The following PARD3 variants were observed in gnomAD, a reference collection of about 807,000 sequenced individuals.
PARD3 encodes par-3 family cell polarity regulator, also known as partitioning defective 3 homolog.
In PARD3, 75 loss-of-function variants were observed where a neutral mutation model predicts 155.4. The ratio of observed to expected loss-of-function variants is 0.48; its 90% CI spans 0.40 to 0.58. PARD3 has a LOEUF of 0.58. Among genes scored for constraint, PARD3 ranks in the 20% least tolerant of loss-of-function variants. The pLI is 0.00. For missense variants in PARD3, 1,642 were observed against 1,721.7 expected (o/e 0.95, Z 0.82); for synonymous variants, 576 against 610.5 (o/e 0.94, Z 0.83).
intron 2 of PARD3, among the ~76,000 whole-genome samples, chr10:34,652,692 C>T (rs1021665560): frequency 3.9e-5 from 6 of 152,166 alleles, no homozygotes; most frequent in South Asian, 2.1e-4. Flanking sequence ...ACTGCCCTCT[C>T]GCAGTGTGCT....
At chr10:34,665,505 AG>A (rs1474220461) in intron 2 of PARD3, among the ~76,000 whole-genome samples, 2 of 151,834 alleles carry the variant, frequency 1.3e-5, no homozygotes, top group African/African-American at 4.8e-5. Context: ...GGGCAACAAG[AG>A]CAAAACTACA....
chr10:34,247,673 CAAG>C lies in PARD3; in HGVS notation c.3419+21981_3419+21983del, dbSNP rs546539064. On this transcript the variant is annotated intron_variant, in intron 22 of 24. Transcript: ENST00000374788. ...AAAGATACAAATATTTTGATGGTAA[CAAG>C]GAGGCTTGGGATGGAATGAATACTT... 8.5e-3 allele frequency among the ~76,000 whole-genome samples: 1,292 copies of C among 152,140 alleles called. 20 individuals are homozygous for C. Among genetic ancestry groups the C allele is most frequent in the African/African-American group, 0.03 (1,231 of 41,510 alleles).
intron 22 of PARD3, among the ~76,000 whole-genome samples, chr10:34,199,628 C>A (rs932284323): frequency 1.3e-5 from 2 of 152,104 alleles, no homozygotes; most frequent in Non-Finnish European, 2.9e-5. Context: ...ATCTGAAAAA[C>A]CTGAATAAAA....
chr10:34,267,421 T>C (rs1027566716), intron 22 of PARD3, among the ~76,000 whole-genome samples: 2 of 152,224 alleles, frequency 1.3e-5, no homozygotes, highest in Non-Finnish European at 2.9e-5. Flanking sequence ...GCCTCCTATG[T>C]TAATTTACAT....
chr10:34,693,413 G>A (rs1157455193), intron 2 of PARD3, among the ~76,000 whole-genome samples: 1 of 152,158 alleles, frequency 6.6e-6, no homozygotes, highest in Non-Finnish European at 1.5e-5. Context: ...GGAACACTAG[G>A]CAGCCATAAA....
intron 14 of PARD3, among the ~76,000 whole-genome samples, chr10:34,358,656 G>A (rs933974741): frequency 2.0e-5 from 3 of 152,134 alleles, no homozygotes; most frequent in Non-Finnish European, 4.4e-5. Flanking sequence ...CCACAACACT[G>A]AACTCCAGCA....
At chr10:34,750,751 C>T (rs1216489047) in intron 1 of PARD3, among the ~76,000 whole-genome samples, 3 of 149,446 alleles carry the variant, frequency 2.0e-5, no homozygotes, top group East Asian at 4.0e-4. Flanking sequence ...TGCAGTGGCA[C>T]GATCTTGGCT....
At chr10:34,160,002 T>C (rs745892433) in intron 22 of PARD3, among the ~76,000 whole-genome samples, 1 of 152,186 alleles carries the variant, frequency 6.6e-6, no homozygotes, top group African/African-American at 2.4e-5. Flanking sequence ...GCATCAAGGG[T>C]GCATTGGAAG....
chr10:34,650,850 A>G (rs2092988723), intron 2 of PARD3, among the ~76,000 whole-genome samples: 1 of 151,938 alleles, frequency 6.6e-6, no homozygotes, highest in Non-Finnish European at 1.5e-5. Context: ...CGTCCCTACT[A>G]AAAATACAAA....
At chr10:34,277,756 T>C (rs1955957243) in intron 21 of PARD3, among the ~76,000 whole-genome samples, 1 of 152,032 alleles carries the variant, frequency 6.6e-6, no homozygotes, top group African/African-American at 2.4e-5. Context: ...GAAAAAGAGA[T>C]AAAAGAAAGC....
rs749307693 is a variant in PARD3 at position 34,119,568 on chromosome 10, T to TA, written c.3668+44dup. On this transcript the variant is annotated intron_variant, in intron 24 of 24. Transcript: ENST00000374788. ...CGCGTTCCTAAAGGGCGGGGGATCT[T>TA]AAAGGGCCGGGGGGATCTGGAGGCT... 7 of 1,541,650 alleles carry TA rather than the reference T, an allele frequency of 4.5e-6. No individual in the cohort carries two copies. The South Asian group carries it at 8.3e-5, about 18-fold the overall frequency.
intron 2 of PARD3, among the ~76,000 whole-genome samples, chr10:34,533,441 TA>T (rs1317664121): frequency 6.6e-5 from 10 of 152,204 alleles, no homozygotes; most frequent in African/African-American, 2.4e-4. Context: ...AAGTTGAAAA[TA>T]TTTTTTTAAA....
intron 5 of PARD3, among the ~76,000 whole-genome samples, chr10:34,409,337 T>C (rs1844816667): frequency 1.3e-5 from 2 of 152,278 alleles, no homozygotes; most frequent in South Asian, 4.1e-4. Flanking sequence ...TCTCATTGAT[T>C]ATTAGGATTC....
At chr10:34,494,481 A>G (rs2080137763) in intron 3 of PARD3, among the ~76,000 whole-genome samples, 1 of 152,222 alleles carries the variant, frequency 6.6e-6, no homozygotes, top group African/African-American at 2.4e-5. Context: ...GTGAATTACT[A>G]AACGATCACT....
At chr10:34,649,822 T>C (rs529732173) in intron 2 of PARD3, among the ~76,000 whole-genome samples, 14 of 152,220 alleles carry the variant, frequency 9.2e-5, no homozygotes, top group South Asian at 2.1e-4. Flanking sequence ...CACACACACA[T>C]TGGACAACTG....
intron 4 of PARD3, among the ~76,000 whole-genome samples, chr10:34,452,062 G>C (rs2077092053): frequency 6.6e-6 from 1 of 152,034 alleles, no homozygotes; most frequent in Non-Finnish European, 1.5e-5. Flanking sequence ...AGAACCTTAT[G>C]TGTCGACAAA....
At chr10:34,342,014 C>G (rs1304736777) in intron 15 of PARD3, among the ~76,000 whole-genome samples, 198 bp from the exon 16 acceptor site, 1 of 152,198 alleles carries the variant, frequency 6.6e-6, no homozygotes, top group Admixed American at 6.5e-5. Flanking sequence ...ATTACTACCT[C>G]TGACGCTACA....
At chr10:34,562,851 A>G (rs1342154636) in intron 2 of PARD3, among the ~76,000 whole-genome samples, 1 of 151,972 alleles carries the variant, frequency 6.6e-6, no homozygotes, top group Non-Finnish European at 1.5e-5. Flanking sequence ...AGATCACTGC[A>G]GCCTCAAACT....
intron 1 of PARD3, among the ~76,000 whole-genome samples, chr10:34,754,274 G>A (rs1836426010): frequency 6.6e-6 from 1 of 152,162 alleles, no homozygotes; most frequent in Admixed American, 6.5e-5. Context: ...CCAAAGTGCT[G>A]GGATTACAGG....
Sources: allele counts gnomAD v4.1 joint callset (sites outside exome capture counted in the v4.1 genomes callset), GRCh38; gene constraint gnomAD v4.1.1; transcripts MANE v1.5; gene names NCBI Gene and HGNC (gene_info 2026-07-23, HGNC 2026-07-21).